The following GJA3 variants were observed in gnomAD, a reference collection of about 807,000 sequenced individuals.
GJA3 encodes the protein gap junction protein alpha 3.
For synonymous variants in GJA3, 297 were observed against 292.6 expected (o/e 1.02, Z -0.15); for missense variants, 571 against 620.3 (o/e 0.92, Z 0.84).
At chr13:20,160,726 G>A (rs1464832383) in intron 1 of GJA3, among the ~76,000 whole-genome samples, 164 bp downstream of exon 1, 1 of 152,116 alleles carries the variant, frequency 6.6e-6, no homozygotes, top group Non-Finnish European at 1.5e-5. Flanking sequence ...AAGAATCCTA[G>A]GGGGCTGGGA....
intron 1 of GJA3, among the ~76,000 whole-genome samples, chr13:20,148,487 G>C (rs1958857267): frequency 6.6e-6 from 1 of 152,062 alleles, no homozygotes; most frequent in Non-Finnish European, 1.5e-5. Flanking sequence ...TGGAACTCCT[G>C]GCCTCAAGTG....
At position 20,142,174 on chromosome 13, in the gene GJA3, G is replaced by A; in HGVS notation, c.1115C>T (p.Pro372Leu). The A allele has an allele frequency of 4.6e-6, 7 of 1,513,634 alleles. No individual in the cohort carries two copies. The highest frequency in any genetic ancestry group is 6.2e-6 in the Non-Finnish European group (7 of 1,132,804). 93.8% of individuals were successfully genotyped at this position (1,513,634 alleles called of 1,614,324 possible). The change falls in exon 2 of 2, where the codon CCC becomes CTC. Residue 372 changes from proline (P) to leucine (L), a missense_variant. By Grantham distance (98) the Pro-to-Leu change is moderately conservative. Coordinates refer to ENST00000241125, the MANE Select transcript of GJA3 (RefSeq NM_021954.4). The stretch of plus-strand genomic sequence containing the variant: ...GCTGCCGCTCCCATCCAGCAGCAGG[G>A]GCGCCGCGCCCGCCTCAGCCTCGTG... ...LAHEAEAGAA[P>L]LLLDGSGSSL...
chr13:20,154,890 AC>A (rs1427604350), intron 1 of GJA3, among the ~76,000 whole-genome samples: 2 of 152,164 alleles, frequency 1.3e-5, no homozygotes, highest in Non-Finnish European at 2.9e-5. Context: ...TTGCTCTGTC[AC>A]TCAGGATGGA....
chr13:20,147,986 CA>C lies in GJA3; in HGVS notation c.-17-4682del, dbSNP rs547475855. Among the ~76,000 whole-genome samples the C allele has an allele frequency of 2.0e-3, 297 of 152,298 alleles. 2 individuals are homozygous for C. Among genetic ancestry groups the C allele is most frequent in the African/African-American group, 6.5e-3 (271 of 41,554 alleles). On this transcript the variant is annotated intron_variant, in intron 1 of 1. Transcript: ENST00000241125. ...CCAACAGACTCTAAGTGAGCAAGGG[CA>C]AGGGTGTCTGTGTCCCCATCACTCA...
chr13:20,152,641 C>T (rs1440874054), intron 1 of GJA3, among the ~76,000 whole-genome samples: 2 of 152,144 alleles, frequency 1.3e-5, no homozygotes, highest in Non-Finnish European at 2.9e-5. Flanking sequence ...GCCTTGGTCT[C>T]CCAAAGTGCT....
rs189701060 is a variant in GJA3, at chr13:20,145,287, C to G, written c.-17-1982G>C. On this transcript the variant is annotated intron_variant, in intron 1 of 1. Coordinates refer to ENST00000241125, the MANE Select transcript of GJA3 (RefSeq NM_021954.4). The stretch of plus-strand genomic sequence containing the variant: ...ATCTAAAGAAACAGACGAATGTTAA[C>G]TCTCCCTTAGAACAAACTCCCAACA... Among the ~76,000 whole-genome samples, 678 of 152,260 alleles carry G rather than the reference C, an allele frequency of 4.5e-3. 4 individuals carry two copies. Among genetic ancestry groups the G allele is most frequent in the Non-Finnish European group, 6.7e-3 (459 of 68,016 alleles).
In GJA3 at chr13:20,142,974, CTT is replaced by C; in HGVS notation, c.313_314del (p.Lys105GlufsTer220). The C allele has an allele frequency of 6.3e-7, 1 of 1,588,690 alleles. No individual in the cohort carries two copies. Among genetic ancestry groups the C allele is most frequent in the Non-Finnish European group, 8.6e-7 (1 of 1,167,472 alleles). ...GCTCCTCCTCCTCCCTCTCTTTCTT[CTT>C]CTCTTCCATGCGCACGATGTGCAGC... Reference protein sequence around the residue: ...HVLHIVRMEEKKKEREEEEQL... With the variant: ...HVLHIVRMEEXKKEREEEEQL... On this transcript the variant is annotated frameshift_variant, in exon 2 of 2. Transcript: ENST00000241125. LOFTEE classifies it low-confidence loss of function (END_TRUNC).
rs993666590 is a variant in GJA3, at chr13:20,158,280, T to G, written c.-18+2610A>C. 1.3e-5 allele frequency among the ~76,000 whole-genome samples: 2 copies of G among 152,212 alleles called. 1 individual carries two copies. Among genetic ancestry groups the G allele is most frequent in the Non-Finnish European group, 2.9e-5 (2 of 68,038 alleles). ...CATCTGTCAAAATATTTTCTATTTT[T>G]TTGCAGAAATAATTTCTATAGTATT... On this transcript the variant is annotated intron_variant, in intron 1 of 1. Coordinates refer to ENST00000241125, the MANE Select transcript of GJA3 (RefSeq NM_021954.4).
At position 20,140,556 on chromosome 13, in the gene GJA3, T is replaced by G. The variant is rs1245544935; in HGVS notation, c.*1425A>C. On this transcript the variant is annotated 3_prime_UTR_variant, in exon 2 of 2. Coordinates refer to ENST00000241125, the MANE Select transcript of GJA3 (RefSeq NM_021954.4). ...AGTGTGAGTAGAAACAGGCTCAACATGACCATCGTTCATTTTATAAACAAA... is the reference window on the plus strand; with the variant it reads ...AGTGTGAGTAGAAACAGGCTCAACAGGACCATCGTTCATTTTATAAACAAA... 1 of 152,208 alleles carries G rather than the reference T, an allele frequency of 6.6e-6. No individual in the cohort carries two copies. The highest frequency in any genetic ancestry group is 1.5e-5 in the Non-Finnish European group (1 of 68,044). 9.4% of individuals were successfully genotyped at this position (152,208 alleles called of 1,614,324 possible).
In GJA3 at chr13:20,143,311, A is replaced by T; in HGVS notation, c.-17-6T>A. ...CATTGCTTCAGATTCCTAACCTGTAAGAGGAAAATGCTCATGAACACCGGG... is the reference window on the plus strand; with the variant it reads ...CATTGCTTCAGATTCCTAACCTGTATGAGGAAAATGCTCATGAACACCGGG... On this transcript the variant is annotated splice_region_variant and splice_polypyrimidine_tract_variant and intron_variant, in intron 1 of 1. Coordinates refer to ENST00000241125, the MANE Select transcript of GJA3 (RefSeq NM_021954.4). 1 of 1,506,572 alleles carries T rather than the reference A, an allele frequency of 6.6e-7. No homozygotes were observed. Among genetic ancestry groups the T allele is most frequent in the Non-Finnish European group, 8.8e-7 (1 of 1,133,478 alleles). 93.3% of individuals were successfully genotyped at this position (1,506,572 alleles called of 1,614,324 possible).
At position 20,143,154 on chromosome 13, in the gene GJA3, C is replaced by CCA; in HGVS notation, c.133_134dup (p.Trp45CysfsTer72). 6.2e-7 allele frequency: 1 copy of CCA among 1,610,584 alleles called. No homozygotes were observed. The highest frequency in any genetic ancestry group is 8.5e-7 in the Non-Finnish European group (1 of 1,177,502). ...AGGTGAAGTCTGACTGCTCATCGCC[C>CCA]CACACGTCCTCCGCCGCGGCCCCCA... On this transcript the variant is annotated frameshift_variant, in exon 2 of 2. Transcript: ENST00000241125. LOFTEE classifies it low-confidence loss of function (END_TRUNC).
rs1958792117 is a variant in GJA3, at chr13:20,139,005, A to C, written c.*2976T>G. The C allele has an allele frequency of 6.6e-6, 1 of 152,210 alleles. No homozygotes were observed. The highest frequency in any genetic ancestry group is 6.5e-5 in the Admixed American group (1 of 15,282). 9.4% of individuals were successfully genotyped at this position (152,210 alleles called of 1,614,324 possible). On this transcript the variant is annotated 3_prime_UTR_variant, in exon 2 of 2. Coordinates refer to ENST00000241125, the MANE Select transcript of GJA3 (RefSeq NM_021954.4). ...TCCACTTACTTGTCCAGAGCCGAAG[A>C]AATCCAGGATAAATGAGAAAGATGC...
chr13:20,145,092 G>A (rs1958834270), intron 1 of GJA3, among the ~76,000 whole-genome samples: 1 of 152,156 alleles, frequency 6.6e-6, no homozygotes, highest in Admixed American at 6.5e-5. Context: ...GAGGGCAGGA[G>A]AATTGCTTGA....
chr13:20,142,055 C>T lies in GJA3; in HGVS notation c.1234G>A (p.Gly412Arg), dbSNP rs201955819. Reference protein sequence around the residue: ...AQMHQPPLPLGDPGRASKASR... With the variant: ...AQMHQPPLPLRDPGRASKASR... ...GCCTTGCTGGCCCGACCTGGGTCTC[C>T]GAGGGGCAAGGGCGGCTGGTGCATC... is the stretch of plus-strand genomic sequence containing the variant. Residue 412 changes from glycine (G) to arginine (R), a missense_variant, in exon 2 of 2, where the codon GGA (glycine) becomes AGA (arginine). Gly to Arg is a moderately radical substitution (Grantham distance 125, BLOSUM62 -2). Coordinates refer to ENST00000241125, the MANE Select transcript of GJA3 (RefSeq NM_021954.4). The T allele has an allele frequency of 8.7e-4, 1,345 of 1,550,184 alleles. 3 individuals are homozygous for T. The Middle Eastern group carries it at 9.8e-3, about 11-fold the overall frequency.
chr13:20,142,613 C>T lies in GJA3; in HGVS notation c.676G>A (p.Gly226Ser). Residue 226 changes from glycine to serine, a missense_variant, in exon 2 of 2, where the codon GGC becomes AGC. Physicochemically the swap from Gly to Ser is moderately conservative, Grantham distance 56 (BLOSUM62 0). Coordinates refer to ENST00000241125, the MANE Select transcript of GJA3 (RefSeq NM_021954.4). ...ACGCCCTGCTTGAGCTTCTTCCAGC[C>T]CAGGTGGTAGATCTCCAGCATGTTG... ...LLNMLEIYHLGWKKLKQGVTS... is the reference protein window; with the variant it reads ...LLNMLEIYHLSWKKLKQGVTS... The T allele has an allele frequency of 6.2e-7, 1 of 1,613,076 alleles. No individual in the cohort carries two copies. The highest frequency in any genetic ancestry group is 8.5e-7 in the Non-Finnish European group (1 of 1,179,764).
At chr13:20,151,880 G>A (rs1034562147) in intron 1 of GJA3, among the ~76,000 whole-genome samples, 1 of 152,126 alleles carries the variant, frequency 6.6e-6, no homozygotes, top group Non-Finnish European at 1.5e-5. Flanking sequence ...CAGCCTCCAG[G>A]AAGGAGGCTG....
intron 1 of GJA3, among the ~76,000 whole-genome samples, chr13:20,154,968 A>G (rs2141144926): frequency 6.6e-6 from 1 of 152,260 alleles, no homozygotes; most frequent in East Asian, 1.9e-4. Context: ...CTCCTGCCTC[A>G]GCTTCCCAAC....
rs761779487 is a variant in GJA3 at position 20,142,899 on chromosome 13, G to C, written c.390C>G (p.Pro130=). 1 of 1,593,132 alleles carries C rather than the reference G, an allele frequency of 6.3e-7. No homozygotes were observed. Reference sequence around the variant, plus strand: ...CCCTGCCGCGGTCGTCCCGCGACGAGGGATTGTCCTGCGGTGGCTCCTTGG... The same window carrying C: ...CCCTGCCGCGGTCGTCCCGCGACGACGGATTGTCCTGCGGTGGCTCCTTGG... ...PSPKEPPQDN[P]SSRDDRGRVR... is the part of the protein sequence containing the mutation. Residue 130 remains proline, a synonymous_variant, in exon 2 of 2, where the codon CCC becomes CCG. Transcript: ENST00000241125.
At chr13:20,146,501 C>T (rs188046990) in intron 1 of GJA3, among the ~76,000 whole-genome samples, 2 of 152,336 alleles carry the variant, frequency 1.3e-5, no homozygotes, top group East Asian at 3.9e-4. Context: ...GGAATATATG[C>T]CCTTGGAAGA....
Sources: gnomAD v4.1 joint callset for allele counts (sites outside exome capture counted in the v4.1 genomes callset) on GRCh38, gnomAD v4.1.1 for gene constraint, MANE v1.5 for transcripts, NCBI Gene and HGNC (gene_info 2026-07-23, HGNC 2026-07-21) for gene names.